DLG2: variants seen among roughly 807,000 people sequenced by gnomAD.
DLG2 encodes the protein disks large homolog 2.
A neutral mutation model predicts 132.5 loss-of-function variants in DLG2; 45 were observed. The observed-to-expected ratio is 0.34, with a 90% CI of 0.27 to 0.44. The LOEUF is 0.44. DLG2 is among the 20% of genes least tolerant of loss of function. DLG2 has a pLI of 1.00. For missense variants in DLG2, 1,045 were observed against 1,196.9 expected (o/e 0.87, Z 1.87); for synonymous variants, 424 against 419.6 (o/e 1.01, Z -0.13).
rs368279803 is a variant in DLG2 at position 84,865,158 on chromosome 11, CAG to C, written c.357+246501_357+246502del. On this transcript the variant is annotated intron_variant, in intron 6 of 27. Coordinates refer to ENST00000376104, the MANE Select transcript of DLG2 (RefSeq NM_001142699.3). Reference sequence around the variant, plus strand: ...ATAACATAAAATTGTCCAGCCCAAACAGAGATGATGGCCAGGGTAGGACCACT... The same window carrying C: ...ATAACATAAAATTGTCCAGCCCAAACAGATGATGGCCAGGGTAGGACCACT... 7.5e-4 allele frequency among the ~76,000 whole-genome samples: 114 copies of C among 152,222 alleles called. 1 individual carries two copies. The South Asian group carries it at 0.023, about 31-fold the overall frequency.
intron 6 of DLG2, among the ~76,000 whole-genome samples, chr11:84,778,924 G>A (rs2071183080): frequency 6.6e-6 from 1 of 152,154 alleles, no homozygotes; most frequent in Non-Finnish European, 1.5e-5. Flanking sequence ...TGTGAGGGAT[G>A]CTTCCTGCTC....
chr11:83,482,600 TAATA>T (rs2093209122), intron 22 of DLG2, among the ~76,000 whole-genome samples: 1 of 152,104 alleles, frequency 6.6e-6, no homozygotes. Context: ...ATAATGTAGC[TAATA>T]AATCACTGAT....
chr11:83,625,448 A>C (rs1016101698), intron 19 of DLG2, among the ~76,000 whole-genome samples: 14 of 152,180 alleles, frequency 9.2e-5, no homozygotes, highest in African/African-American at 3.4e-4. Flanking sequence ...TATAGAGAAA[A>C]ATAAATGACC....
intron 10 of DLG2, among the ~76,000 whole-genome samples, chr11:84,077,859 T>C (rs1198847241): frequency 6.6e-6 from 1 of 152,210 alleles, no homozygotes; most frequent in African/African-American, 2.4e-5. Flanking sequence ...AATATATCAC[T>C]ATGTTAGAAC....
chr11:85,266,939 G>T (rs1419604046), intron 4 of DLG2, among the ~76,000 whole-genome samples: 2 of 152,176 alleles, frequency 1.3e-5, no homozygotes, highest in African/African-American at 4.8e-5. Context: ...GGTAATAACA[G>T]TTTTTTCAGG....
chr11:84,227,027 A>G (rs1427237748), intron 8 of DLG2, among the ~76,000 whole-genome samples: 1 of 152,044 alleles, frequency 6.6e-6, no homozygotes, highest in Non-Finnish European at 1.5e-5. Context: ...CGGAGATTGC[A>G]GTGAGCCGAG....
intron 7 of DLG2, among the ~76,000 whole-genome samples, chr11:84,458,690 A>G (rs948004417): frequency 6.6e-6 from 1 of 150,702 alleles, no homozygotes; most frequent in African/African-American, 2.4e-5. Context: ...GTTCTTATGT[A>G]GTCAAATCTA....
chr11:85,485,738 C>A (rs1320190368), intron 3 of DLG2, among the ~76,000 whole-genome samples: 3 of 152,168 alleles, frequency 2.0e-5, no homozygotes, highest in Non-Finnish European at 2.9e-5. Flanking sequence ...GACCTTTGGC[C>A]TGACATGAGG....
intron 10 of DLG2, among the ~76,000 whole-genome samples, chr11:84,086,911 T>C (rs570736588): frequency 4.6e-5 from 7 of 152,332 alleles, no homozygotes; most frequent in African/African-American, 1.7e-4. Flanking sequence ...AATAAAATTG[T>C]ATAATATGTG....
At chr11:84,436,595 TGACAGTTTG>T (rs557423362) in intron 7 of DLG2, among the ~76,000 whole-genome samples, 83 of 152,316 alleles carry the variant, frequency 5.4e-4, no homozygotes, top group Middle Eastern at 6.8e-3. Flanking sequence ...TCCCTAAATA[TGACAGTTTG>T]GACAGTGCCC....
chr11:84,648,352 A>T (rs1186862665), intron 6 of DLG2, among the ~76,000 whole-genome samples: 1 of 152,224 alleles, frequency 6.6e-6, no homozygotes, highest in African/African-American at 2.4e-5. Context: ...TTTGTATCAT[A>T]GTTAAATGGA....
intron 26 of DLG2, among the ~76,000 whole-genome samples, chr11:83,464,598 C>T (rs1434548541): frequency 6.6e-6 from 1 of 152,216 alleles, no homozygotes; most frequent in African/African-American, 2.4e-5. Context: ...GAAGTCCAGC[C>T]TTTAGTACAT....
intron 6 of DLG2, among the ~76,000 whole-genome samples, chr11:84,587,604 G>T (rs1409758060): frequency 4.6e-5 from 7 of 151,892 alleles, no homozygotes. Context: ...TTAAAAAGGC[G>T]GTTCTGGCAT....
intron 9 of DLG2, among the ~76,000 whole-genome samples, chr11:84,148,317 C>T (rs1033049647): frequency 6.6e-6 from 1 of 152,034 alleles, no homozygotes; most frequent in East Asian, 1.9e-4. Flanking sequence ...AAACCTGTAA[C>T]CCAGGAAGTG....
intron 3 of DLG2, among the ~76,000 whole-genome samples, chr11:85,484,643 C>G (rs550907638): frequency 0.035 from 5,387 of 152,100 alleles, 144 homozygotes; most frequent in Admixed American, 0.053. Context: ...AAATCAAAAC[C>G]ACAATGAGAT....
chr11:83,668,852 T>C (rs1280044984), intron 18 of DLG2, among the ~76,000 whole-genome samples: 1 of 118,294 alleles, frequency 8.5e-6, no homozygotes, highest in Non-Finnish European at 1.7e-5. Flanking sequence ...CACACACACA[T>C]ATATATATAT....
At chr11:85,149,233 C>CT (rs553606999) in intron 5 of DLG2, among the ~76,000 whole-genome samples, 6 of 151,914 alleles carry the variant, frequency 3.9e-5, no homozygotes, top group Non-Finnish European at 8.8e-5. Flanking sequence ...GCTATATGGG[C>CT]TTTTTTTGGT....
intron 17 of DLG2, among the ~76,000 whole-genome samples, chr11:83,801,890 T>C (rs1256964991): frequency 6.6e-6 from 1 of 152,184 alleles, no homozygotes; most frequent in Non-Finnish European, 1.5e-5. Context: ...GTTATAACTA[T>C]TAAATCACAT....
At chr11:83,478,527 A>C (rs1173857066) in intron 22 of DLG2, among the ~76,000 whole-genome samples, 2 of 152,094 alleles carry the variant, frequency 1.3e-5, no homozygotes, top group Non-Finnish European at 2.9e-5. Flanking sequence ...CATCACTCTA[A>C]AAATCTGCCA....
Sources: gnomAD v4.1 joint callset for allele counts (sites outside exome capture counted in the v4.1 genomes callset) on GRCh38, gnomAD v4.1.1 for gene constraint, MANE v1.5 for transcripts, NCBI Gene and HGNC (gene_info 2026-07-23, HGNC 2026-07-21) for gene names.